WDPCP: variants seen among roughly 807,000 people sequenced by gnomAD.
WDPCP encodes WD repeat-containing and planar cell polarity effector protein fritz homolog.
WDPCP carries 71 observed loss-of-function variants against 93.1 expected under a neutral mutation model. That is an observed-to-expected ratio of 0.76 (90% CI 0.63 to 0.93). WDPCP has a LOEUF of 0.93. Among genes scored for constraint, WDPCP ranks in the 40% least tolerant of loss-of-function variants. The pLI, the probability that WDPCP is intolerant of heterozygous loss-of-function variation, is 0.00. For missense variants in WDPCP, 844 were observed against 887.4 expected (o/e 0.95, Z 0.62); for synonymous variants, 315 against 315.0 (o/e 1.00, Z 0.00).
chr2:63,145,274 A>C (rs1671404002), intron 17 of WDPCP, among the ~76,000 whole-genome samples: 1 of 151,734 alleles, frequency 6.6e-6, no homozygotes. Context: ...CATCAGCTGT[A>C]GTAATATAGA....
At chr2:63,357,646 A>G (rs1342750405) in intron 12 of WDPCP, among the ~76,000 whole-genome samples, 1 of 152,184 alleles carries the variant, frequency 6.6e-6, no homozygotes, top group East Asian at 1.9e-4. Flanking sequence ...GAATGCTTAT[A>G]CACTGGGGGC....
intron 1 of WDPCP, among the ~76,000 whole-genome samples, chr2:63,820,639 A>G (rs1281868963): frequency 6.6e-6 from 1 of 152,170 alleles, no homozygotes; most frequent in African/African-American, 2.4e-5. Context: ...GGGGGCTTGT[A>G]TATTTTGCAA....
rs1709395973 is a variant in WDPCP at position 63,600,387 on chromosome 2, A to C, written n.488+50272T>G. ...CCTGCTCAGAGTCATACAGCTCATA[A>C]ATTACGGAGCCACCTTGATTTGCCT... is the stretch of plus-strand genomic sequence containing the variant. On this transcript the variant is annotated intron_variant and non_coding_transcript_variant, in intron 3 of 4. Transcript: ENST00000467687. Among the ~76,000 whole-genome samples, 3 of 152,146 alleles carry C rather than the reference A, an allele frequency of 2.0e-5. No individual in the cohort carries two copies. In the South Asian group the frequency reaches 6.2e-4, roughly 32 times the overall value.
At chr2:63,583,367 C>T (rs1165018945) in intron 1 of WDPCP, among the ~76,000 whole-genome samples, 5 of 152,174 alleles carry the variant, frequency 3.3e-5, no homozygotes, top group East Asian at 3.9e-4. Context: ...AATAGCAAGA[C>T]GTCATTTAAA....
rs77431217 is a variant in WDPCP, at chr2:63,247,674, GA to G, written c.1915+11632del. On this transcript the variant is annotated intron_variant, in intron 14 of 17. Transcript: ENST00000272321. ...ATGTACCTGTAAATATTCCAAAATTGAAAAAAAAAAAAAAACACCACCAAAC... is the reference window on the plus strand; with the variant it reads ...ATGTACCTGTAAATATTCCAAAATTGAAAAAAAAAAAAAACACCACCAAAC... Among the ~76,000 whole-genome samples the G allele has an allele frequency of 8.0e-3, 933 of 116,044 alleles. 4 individuals are homozygous for G. The highest frequency in any genetic ancestry group is 0.027 in the Middle Eastern group (6 of 220). The allele number at this position is 116,044 out of a possible 152,430, so 76.1% of individuals were successfully genotyped here.
At chr2:63,550,623 C>G (rs958330478) in intron 1 of WDPCP, among the ~76,000 whole-genome samples, 2 of 151,790 alleles carry the variant, frequency 1.3e-5, no homozygotes, top group Non-Finnish European at 2.9e-5. Flanking sequence ...CTTGGGTGAT[C>G]ATATCTGCTT....
At chr2:63,157,581 T>G (rs1314380333) in intron 15 of WDPCP, among the ~76,000 whole-genome samples, 3 of 152,188 alleles carry the variant, frequency 2.0e-5, no homozygotes, top group African/African-American at 4.8e-5. Context: ...GCCATAGGAT[T>G]CAGATGATCT....
At chr2:63,305,353 G>C (rs1559303181) in intron 13 of WDPCP, among the ~76,000 whole-genome samples, 1 of 152,106 alleles carries the variant, frequency 6.6e-6, no homozygotes, top group African/African-American at 2.4e-5. Flanking sequence ...GCTCCTGCTG[G>C]CATCTGACAG....
intron 6 of WDPCP, among the ~76,000 whole-genome samples, chr2:63,451,440 A>G (rs1025568223): frequency 2.0e-5 from 3 of 152,230 alleles, no homozygotes; most frequent in African/African-American, 7.2e-5. Flanking sequence ...TCTGAAATTG[A>G]GGCAATAATT....
chr2:63,836,027 G>T, the WDPCP span, among the ~76,000 whole-genome samples: 1 of 152,088 alleles, frequency 6.6e-6, no homozygotes, highest in Non-Finnish European at 1.5e-5. Context: ...GCTAATTTTT[G>T]TATTTTAGTA....
chr2:63,555,991 G>A (rs934799416), intron 1 of WDPCP, among the ~76,000 whole-genome samples: 1 of 152,178 alleles, frequency 6.6e-6, no homozygotes, highest in African/African-American at 2.4e-5. Flanking sequence ...CTGGATGGAG[G>A]CTGAGATGGA....
At chr2:63,604,658 A>G (rs769064256) in intron 3 of WDPCP, 1 of 1,537,242 alleles carries the variant, frequency 6.5e-7, no homozygotes, top group Non-Finnish European at 8.9e-7. Flanking sequence ...AATAAAAACC[A>G]TTTGTCTCAG....
At chr2:63,327,170 G>A (rs182488533) in intron 12 of WDPCP, among the ~76,000 whole-genome samples, 30 of 152,298 alleles carry the variant, frequency 2.0e-4, no homozygotes, top group Non-Finnish European at 2.9e-4. Flanking sequence ...TATTCAGTAA[G>A]TGATAAGGAA....
chr2:63,722,678 C>T (rs1311222872), intron 2 of WDPCP, among the ~76,000 whole-genome samples: 2 of 137,546 alleles, frequency 1.5e-5, no homozygotes, highest in Non-Finnish European at 3.2e-5. Context: ...CAGCCCCCCG[C>T]CCGGCCAGCC....
At chr2:63,329,077 T>C (rs1687783545) in intron 12 of WDPCP, among the ~76,000 whole-genome samples, 1 of 152,180 alleles carries the variant, frequency 6.6e-6, no homozygotes, top group African/African-American at 2.4e-5. Context: ...TATTAGCAAA[T>C]TTTTAAGTAT....
chr2:63,599,490 G>C (rs1216615433), intron 3 of WDPCP: 6 of 410,998 alleles, frequency 1.5e-5, no homozygotes, highest in Non-Finnish European at 2.5e-5. Flanking sequence ...AGGACCAGAG[G>C]CTGGACTTCC....
intron 6 of WDPCP, among the ~76,000 whole-genome samples, chr2:63,451,936 G>A (rs1009372699): frequency 6.6e-6 from 1 of 152,266 alleles, no homozygotes; most frequent in East Asian, 1.9e-4. Flanking sequence ...TTGATGGGAT[G>A]TATCTCAAAA....
chr2:63,524,949 G>C (rs959557789), intron 1 of WDPCP, among the ~76,000 whole-genome samples: 1 of 152,106 alleles, frequency 6.6e-6, no homozygotes, highest in Non-Finnish European at 1.5e-5. Flanking sequence ...GCATGCTTAT[G>C]TTCATCACAG....
In WDPCP at chr2:63,151,379, T is replaced by C. The variant is rs138766634; in HGVS notation, c.2190+1535A>G. Among the ~76,000 whole-genome samples, 610 of 152,256 alleles carry C rather than the reference T, an allele frequency of 4.0e-3. 3 individuals carry two copies. Among genetic ancestry groups the C allele is most frequent in the African/African-American group, 0.014 (588 of 41,564 alleles). ...AGCTGTGACTACAGGTACACGCCACTGTGCCTGGCTACTTTTTGTGTTTTT... is the reference window on the plus strand; with the variant it reads ...AGCTGTGACTACAGGTACACGCCACCGTGCCTGGCTACTTTTTGTGTTTTT... On this transcript the variant is annotated intron_variant, in intron 17 of 17. Transcript: ENST00000272321.
Sources: allele counts gnomAD v4.1 joint callset (sites outside exome capture counted in the v4.1 genomes callset), GRCh38; gene constraint gnomAD v4.1.1; transcripts MANE v1.5; gene names NCBI Gene and HGNC (gene_info 2026-07-23, HGNC 2026-07-21).